INTS13: variants seen among roughly 807,000 people sequenced by gnomAD.
INTS13 encodes the protein asunder, spermatogenesis regulator homolog (Drosphila).
A neutral mutation model predicts 90.2 loss-of-function variants in INTS13; 35 were observed. The observed-to-expected ratio is 0.39, with a 90% CI of 0.30 to 0.51. INTS13 has a LOEUF of 0.51. INTS13 is among the 20% of genes least tolerant of loss of function. The pLI is 0.80. For missense variants in INTS13, 601 were observed against 851.2 expected, an observed-to-expected ratio of 0.71 and a Z score of 3.66; for synonymous variants, 309 against 277.1, an observed-to-expected ratio of 1.11 and a Z score of -1.14.
intron 7 of INTS13, among the ~76,000 whole-genome samples, chr12:26,923,047 T>A (rs1937672624): frequency 6.6e-6 from 1 of 152,116 alleles, no homozygotes; most frequent in Admixed American, 6.5e-5. Flanking sequence ...ATAATTTACA[T>A]AAATTTAAAG....
intron 2 of INTS13, among the ~76,000 whole-genome samples, chr12:26,935,401 T>C (rs1938407006): frequency 6.6e-6 from 1 of 152,222 alleles, no homozygotes; most frequent in African/African-American, 2.4e-5. Flanking sequence ...ATGATCTTTT[T>C]CCCTATATAT....
chr12:26,921,280 G>A (rs1363260940), intron 8 of INTS13, among the ~76,000 whole-genome samples: 1 of 152,150 alleles, frequency 6.6e-6, no homozygotes, highest in African/African-American at 2.4e-5. Flanking sequence ...ATAATTTTTA[G>A]AGGAAAAAAA....
chr12:26,919,029 C>G, intron 8 of INTS13: 1 of 396,462 alleles, frequency 2.5e-6, no homozygotes, highest in East Asian at 7.7e-5. Flanking sequence ...AGCCAGGCTT[C>G]GTGGTATGCA....
At chr12:26,920,524 G>A (rs1244158853) in intron 8 of INTS13, among the ~76,000 whole-genome samples, 2 of 151,442 alleles carry the variant, frequency 1.3e-5, no homozygotes, top group African/African-American at 2.4e-5. Flanking sequence ...TCAGCATCCC[G>A]AGTAGCTGGG....
At chr12:26,936,059 T>C (rs1330685140) in intron 2 of INTS13, among the ~76,000 whole-genome samples, 2 of 152,226 alleles carry the variant, frequency 1.3e-5, no homozygotes, top group Non-Finnish European at 2.9e-5. Flanking sequence ...ATATATTTGC[T>C]AAAATTGCAA....
At chr12:26,925,914 T>A (rs1000994013) in intron 5 of INTS13, 63 bp from the exon 6 acceptor site, 4 of 1,170,936 alleles carry the variant, frequency 3.4e-6, no homozygotes, top group Middle Eastern at 2.1e-4. Context: ...TTCAAGCAGG[T>A]AAACTACTAA....
At position 26,916,282 on chromosome 12, in the gene INTS13, C is replaced by T. The variant is rs941151234; in HGVS notation, c.1070-102G>A. 6.4e-6 allele frequency: 7 copies of T among 1,088,378 alleles called. No individual in the cohort carries two copies. In the East Asian group the frequency reaches 1.3e-4, roughly 20 times the overall value. The allele number at this position is 1,088,378 out of a possible 1,614,324, so 67.4% of individuals were successfully genotyped here. A position where few individuals can be genotyped will look rare whatever the true frequency, so the allele number is the denominator to read the frequency against. ...GATTTTTTCATTTTATTTATTGATC[C>T]CCGTATTTTAACCAGCATTGCTAAT... On this transcript the variant is annotated intron_variant, in intron 10 of 16. Coordinates refer to ENST00000261191, the MANE Select transcript of INTS13 (RefSeq NM_018164.3).
rs1486095471 is a variant in INTS13, at chr12:26,928,863, C to A, written c.343G>T (p.Ala115Ser). ...LAAVGPPNPR[A>S]DPECCSILHG... ...AGAATACTGCAGCACTCTGGATCTG[C>A]CCGAGGATTAGGAGGCCCAACAGCG... Residue 115 changes from alanine to serine, a missense_variant, in exon 4 of 17, where the codon GCA becomes TCA. Physicochemically the swap from Ala to Ser is moderately conservative, Grantham distance 99 (BLOSUM62 1). Coordinates refer to ENST00000261191, the MANE Select transcript of INTS13 (RefSeq NM_018164.3). The A allele has an allele frequency of 1.2e-6, 2 of 1,614,076 alleles. No homozygotes were observed. Among genetic ancestry groups the A allele is most frequent in the African/African-American group, 2.7e-5 (2 of 74,932 alleles).
chr12:26,931,463 G>GAAAAAA (rs1293336309), intron 3 of INTS13, among the ~76,000 whole-genome samples: 1 of 151,706 alleles, frequency 6.6e-6, no homozygotes, highest in African/African-American at 2.4e-5. Flanking sequence ...AAAAGAAAAA[G>GAAAAAA]AAAACAAACA....
intron 5 of INTS13, among the ~76,000 whole-genome samples, chr12:26,926,698 C>T (rs903825686): frequency 2.0e-5 from 3 of 152,186 alleles, no homozygotes; most frequent in Non-Finnish European, 2.9e-5. Context: ...GACAGGGGTG[C>T]TAGGAGCATC....
Position 26,934,609 on chromosome 12 carries a change from A to G in INTS13, c.247T>C (p.Ser83Pro). The G allele has an allele frequency of 1.2e-6, 2 of 1,613,466 alleles. No individual in the cohort carries two copies. The highest frequency in any genetic ancestry group is 1.7e-6 in the Non-Finnish European group (2 of 1,179,472). The change falls in exon 3 of 17, where the codon TCT (serine) becomes CCT (proline). Residue 83 changes from serine to proline, a missense_variant. Coordinates refer to ENST00000261191, the MANE Select transcript of INTS13 (RefSeq NM_018164.3). The stretch of plus-strand genomic sequence containing the variant: ...CAAGAATTTAAAACATGTGCTCCAG[A>G]GTCACTCACAATAAAATTCACCTAA... Reference protein sequence around the residue: ...KKLVNFIVSDSGAHVLNSWTQ... With the variant: ...KKLVNFIVSDPGAHVLNSWTQ...
At chr12:26,937,220 C>G (rs774105443) in intron 1 of INTS13, among the ~76,000 whole-genome samples, 3 of 152,146 alleles carry the variant, frequency 2.0e-5, no homozygotes, top group African/African-American at 7.2e-5. Context: ...AAACCCCAAG[C>G]CAGCATTTTT....
At position 26,921,621 on chromosome 12, in the gene INTS13, G is replaced by A. The variant is rs78564568; in HGVS notation, c.889+995C>T. 1.9e-3 allele frequency among the ~76,000 whole-genome samples: 282 copies of A among 152,280 alleles called. 1 individual carries two copies. Among genetic ancestry groups the A allele is most frequent in the African/African-American group, 6.2e-3 (257 of 41,546 alleles). ...CCCCGACTTTGCTGTGTCGCTTTCCGTGGTTTCAGTACCTGTGGTCAACTG... is the reference window on the plus strand; with the variant it reads ...CCCCGACTTTGCTGTGTCGCTTTCCATGGTTTCAGTACCTGTGGTCAACTG... On this transcript the variant is annotated intron_variant, in intron 8 of 16. Transcript: ENST00000261191.
At chr12:26,925,586 C>T (rs1310191306) in intron 6 of INTS13, among the ~76,000 whole-genome samples, 175 bp downstream of exon 6, 1 of 151,916 alleles carries the variant, frequency 6.6e-6, no homozygotes, top group Admixed American at 6.6e-5. Context: ...CTTTAAAATC[C>T]ACAATTATAC....
At chr12:26,916,859 T>C (rs948657833) in intron 10 of INTS13, among the ~76,000 whole-genome samples, 5 of 152,200 alleles carry the variant, frequency 3.3e-5, no homozygotes, top group Non-Finnish European at 7.4e-5. Context: ...GTAAGAATCA[T>C]ATGGTATAAT....
chr12:26,922,502 G>T, intron 8 of INTS13, 114 bp downstream of exon 8: 1 of 650,074 alleles, frequency 1.5e-6, no homozygotes, highest in Non-Finnish European at 2.5e-6. Context: ...GACCATCTGA[G>T]ATTTCAGGCA....
chr12:26,922,489 C>G (rs916025431), intron 8 of INTS13, 127 bp downstream of exon 8: 2 of 572,138 alleles, frequency 3.5e-6, no homozygotes, highest in African/African-American at 3.8e-5. Context: ...GTATAGGGTT[C>G]GAGACCATCT....
rs77825260 is a variant in INTS13, at chr12:26,926,984, C to T, written c.585-1133G>A. Among the ~76,000 whole-genome samples, 376 of 152,294 alleles carry T rather than the reference C, an allele frequency of 2.5e-3. 2 individuals are homozygous for T. The highest frequency in any genetic ancestry group is 8.9e-3 in the African/African-American group (368 of 41,548). ...ACCTACATGAAGCCTCCATAAAAAT[C>T]CCTAAAGTATGGGGCTCAGAGAGCT... On this transcript the variant is annotated intron_variant, in intron 5 of 16. Transcript: ENST00000261191.
At position 26,928,635 on chromosome 12, in the gene INTS13, A is replaced by G. The variant is rs1450652720; in HGVS notation, c.503+68T>C. 6 of 1,504,716 alleles carry G rather than the reference A, an allele frequency of 4.0e-6. No homozygotes were observed. The East Asian group carries it at 1.4e-4, about 34-fold the overall frequency. The allele number at this position is 1,504,716 out of a possible 1,614,324, so 93.2% of individuals were successfully genotyped here. A position where few individuals can be genotyped will look rare whatever the true frequency, so the allele number is the denominator to read the frequency against. On this transcript the variant is annotated intron_variant, in intron 4 of 16. Transcript: ENST00000261191. ...AACATGTAAACATGCTGTCTCTACT[A>G]TTCTGAAAAACTACAACAGGATTTT... is the stretch of plus-strand genomic sequence containing the variant.
Sources: allele counts gnomAD v4.1 joint callset (sites outside exome capture counted in the v4.1 genomes callset), GRCh38; gene constraint gnomAD v4.1.1; transcripts MANE v1.5; gene names NCBI Gene and HGNC (gene_info 2026-07-23, HGNC 2026-07-21).